FRYL: variants seen among roughly 807,000 people sequenced by gnomAD.
FRYL encodes FRY like transcription coactivator.
Under a neutral mutation model 351.2 loss-of-function variants are expected in FRYL, and 150 were observed. The observed-to-expected ratio is 0.43, with a 90% CI of 0.37 to 0.49. The LOEUF is 0.49. Ranked by LOEUF, FRYL falls within the 20% of genes least tolerant of loss-of-function variation. FRYL has a pLI of 0.00. For synonymous variants in FRYL, 1,153 were observed against 1,257.1 expected (o/e 0.92, Z 1.75); for missense variants, 3,036 against 3,619.3 (o/e 0.84, Z 4.13).
intron 4 of FRYL, among the ~76,000 whole-genome samples, chr4:48,626,525 T>G (rs1461657919): frequency 6.6e-6 from 1 of 152,062 alleles, no homozygotes; most frequent in East Asian, 1.9e-4. Context: ...ATGATGTGAT[T>G]CTTTTTGTCA....
chr4:48,700,020 A>C (rs2149573706), intron 2 of FRYL, among the ~76,000 whole-genome samples: 1 of 152,338 alleles, frequency 6.6e-6, no homozygotes, highest in East Asian at 1.9e-4. Context: ...ATAATAAAGG[A>C]ACAGAGTCCG....
intron 1 of FRYL, among the ~76,000 whole-genome samples, chr4:48,765,241 T>A (rs1201168980): frequency 3.3e-5 from 5 of 152,194 alleles, no homozygotes; most frequent in African/African-American, 4.8e-5. Context: ...TCACACTTCC[T>A]GATTTTGAAC....
chr4:48,628,504 A>T lies in FRYL; in HGVS notation c.121-5325T>A, dbSNP rs1298326131. On this transcript the variant is annotated intron_variant, in intron 4 of 63. Transcript: ENST00000358350. ...TATAAGTAAAAAAAATAGAACAAAGAATACGAGAGGCTGGGAGGGGTAGGG... is the reference window on the plus strand; with the variant it reads ...TATAAGTAAAAAAAATAGAACAAAGTATACGAGAGGCTGGGAGGGGTAGGG... 7.3e-5 allele frequency among the ~76,000 whole-genome samples: 11 copies of T among 151,534 alleles called. No homozygotes were observed. The East Asian group carries it at 2.1e-3, about 29-fold the overall frequency.
At chr4:48,717,035 C>T (rs1039395159) in intron 1 of FRYL, among the ~76,000 whole-genome samples, 1 of 147,356 alleles carries the variant, frequency 6.8e-6, no homozygotes, top group African/African-American at 2.5e-5. Flanking sequence ...AAAAACCAAA[C>T]ACCACATATT....
chr4:48,559,780 C>G (rs1735047874), intron 33 of FRYL, among the ~76,000 whole-genome samples: 1 of 151,376 alleles, frequency 6.6e-6, no homozygotes, highest in African/African-American at 2.4e-5. Context: ...CCAAAAGAGA[C>G]AGAAAAGGAA....
At chr4:48,700,764 T>C (rs1186903359) in intron 2 of FRYL, among the ~76,000 whole-genome samples, 1 of 151,562 alleles carries the variant, frequency 6.6e-6, no homozygotes, top group Admixed American at 6.6e-5. Flanking sequence ...ATTGCACCAC[T>C]GCACTTCAGC....
intron 1 of FRYL, among the ~76,000 whole-genome samples, chr4:48,723,129 A>G (rs1013811603): frequency 6.6e-6 from 1 of 151,820 alleles, no homozygotes; most frequent in Non-Finnish European, 1.5e-5. Context: ...CAAACCTAAC[A>G]GGTTTTTTTT....
Position 48,590,659 on chromosome 4 carries a change from C to T in FRYL, c.1507G>A (p.Gly503Arg), listed in dbSNP as rs777697473. The stretch of plus-strand genomic sequence containing the variant: ...AACATTTAATTTCAATTAAACTAAC[C>T]TATGACTTTTGCTTCTTCATCTGTC... ...TLTDEEAKVI[G>R]MSVYYPQVRK... is the part of the protein sequence containing the mutation. Residue 503 changes from glycine to arginine, a missense_variant and splice_region_variant, in exon 17 of 64, where the codon GGA (glycine) becomes AGA (arginine). By Grantham distance (125) the Gly-to-Arg change is moderately radical. This residue lies in a region of FRYL where 78 missense variants were observed against 106.6 expected (regional missense o/e 0.73). Transcript: ENST00000358350. The T allele has an allele frequency of 6.3e-7, 1 of 1,592,664 alleles. No homozygotes were observed. The highest frequency in any genetic ancestry group is 8.6e-7 in the Non-Finnish European group (1 of 1,164,250).
chr4:48,653,121 G>A lies in FRYL; in HGVS notation c.-80-18631C>T, dbSNP rs111480888. On this transcript the variant is annotated intron_variant, in intron 3 of 63. Transcript: ENST00000358350. ...ATTCATATGTTAGGAAGAGAGTTAC[G>A]GACAGAATAATAGCTCAACGGCATC... is the stretch of plus-strand genomic sequence containing the variant. Among the ~76,000 whole-genome samples the A allele has an allele frequency of 1.2e-4, 18 of 152,196 alleles. 3 individuals carry two copies. Among genetic ancestry groups the A allele is most frequent in the Non-Finnish European group, 1.2e-4 (8 of 68,006 alleles).
rs1336158885 is a variant in FRYL, at chr4:48,497,611, G to A, written c.*1811C>T. The stretch of plus-strand genomic sequence containing the variant: ...ATTTTTAACAAAAAGGATGTAAGGA[G>A]GGTAAGAAAAACAGAGGACAGTAAG... On this transcript the variant is annotated 3_prime_UTR_variant, in exon 64 of 64. Coordinates refer to ENST00000358350, the MANE Select transcript of FRYL (RefSeq NM_015030.2). 1 of 152,538 alleles carries A rather than the reference G, an allele frequency of 6.6e-6. No homozygotes were observed. Among genetic ancestry groups the A allele is most frequent in the Non-Finnish European group, 1.5e-5 (1 of 68,010 alleles). The allele number at this position is 152,538 out of a possible 1,614,324, so 9.4% of individuals were successfully genotyped here.
intron 15 of FRYL, 63 bp downstream of exon 15, chr4:48,595,527 A>G: frequency 1.1e-6 from 1 of 899,502 alleles, no homozygotes; most frequent in Non-Finnish European, 1.7e-6. Context: ...CAAAGCTCCA[A>G]GTGATTACAA....
chr4:48,634,292 A>G lies in FRYL; in HGVS notation c.119T>C (p.Leu40Ser). Residue 40 changes from leucine (L) to serine (S), a missense_variant and splice_region_variant, in exon 4 of 64, where the codon TTG becomes TCG. Physicochemically the swap from Leu to Ser is moderately radical, Grantham distance 145. This residue lies in a region of FRYL where 457 missense variants were observed against 566.6 expected (regional missense o/e 0.81). Coordinates refer to ENST00000358350, the MANE Select transcript of FRYL (RefSeq NM_015030.2). ...KKIEVVMAEPLEKLLSRSLQR... is the reference protein window; with the variant it reads ...KKIEVVMAEPSEKLLSRSLQR... ...GATTTATAGGTCAGCTGTACTCACC[A>G]AGGGTTCGGCCATTACAACTTCAAT... is the stretch of plus-strand genomic sequence containing the variant. The G allele has an allele frequency of 6.2e-7, 1 of 1,610,238 alleles. No homozygotes were observed. The highest frequency in any genetic ancestry group is 2.2e-5 in the East Asian group (1 of 44,828).
intron 1 of FRYL, among the ~76,000 whole-genome samples, chr4:48,771,488 A>T (rs1775500938): frequency 6.6e-6 from 1 of 152,214 alleles, no homozygotes; most frequent in Non-Finnish European, 1.5e-5. Flanking sequence ...TTCTTACAAG[A>T]AGTAGACTAG....
intron 2 of FRYL, among the ~76,000 whole-genome samples, chr4:48,703,767 C>G (rs1767014423): frequency 6.6e-6 from 1 of 152,128 alleles, no homozygotes; most frequent in South Asian, 2.1e-4. Context: ...TGTGGAACAC[C>G]TACTCCCCTC....
At chr4:48,598,597 G>A (rs1480523626) in intron 13 of FRYL, among the ~76,000 whole-genome samples, 1 of 152,158 alleles carries the variant, frequency 6.6e-6, no homozygotes, top group African/African-American at 2.4e-5. Flanking sequence ...TTTTGGTGAA[G>A]AATCAGCATT....
intron 3 of FRYL, among the ~76,000 whole-genome samples, chr4:48,634,845 A>C (rs576116537): frequency 2.5e-4 from 38 of 152,332 alleles, no homozygotes; most frequent in Admixed American, 7.9e-4. Flanking sequence ...GATTCTAATC[A>C]GATAGTCAAA....
chr4:48,608,473 G>C (rs1046755306), intron 9 of FRYL, among the ~76,000 whole-genome samples: 3 of 151,966 alleles, frequency 2.0e-5, no homozygotes, highest in Non-Finnish European at 4.4e-5. Flanking sequence ...CTAAAGTGAT[G>C]GTTCAGTGCA....
chr4:48,762,964 A>T (rs1774559864), intron 1 of FRYL, among the ~76,000 whole-genome samples: 1 of 152,152 alleles, frequency 6.6e-6, no homozygotes, highest in Admixed American at 6.6e-5. Context: ...CCAACCTTTT[A>T]TACTATTCTC....
intron 1 of FRYL, among the ~76,000 whole-genome samples, chr4:48,713,012 T>A (rs9761678): frequency 0.029 from 4,365 of 152,122 alleles, 209 homozygotes; most frequent in African/African-American, 0.1. Context: ...TAAAATACTT[T>A]ACAGACAAGC....
Sources: allele counts gnomAD v4.1 joint callset (sites outside exome capture counted in the v4.1 genomes callset), GRCh38; gene constraint gnomAD v4.1.1; regional missense constraint gnomAD v4.1.1; transcripts MANE v1.5; gene names NCBI Gene and HGNC (gene_info 2026-07-23, HGNC 2026-07-21).